The following CTNNA2 variants were observed in gnomAD, a reference collection of about 807,000 sequenced individuals.
CTNNA2 encodes catenin alpha 2.
A neutral mutation model predicts 101.0 loss-of-function variants in CTNNA2; 42 were observed. The observed-to-expected ratio is 0.42, with a 90% CI of 0.32 to 0.54. CTNNA2 has a LOEUF of 0.54. Among genes scored for constraint, CTNNA2 ranks in the 20% least tolerant of loss-of-function variants. The pLI is 0.14. For synonymous variants in CTNNA2, 450 were observed against 456.4 expected (o/e 0.99, Z 0.18); for missense variants, 871 against 1,223.1 (o/e 0.71, Z 4.29).
At chr2:80,514,027 T>A (rs1688912856) in intron 9 of CTNNA2, among the ~76,000 whole-genome samples, 1 of 152,216 alleles carries the variant, frequency 6.6e-6, no homozygotes, top group Admixed American at 6.5e-5. Flanking sequence ...CTCATAATCT[T>A]TATTTTTATT....
intron 3 of CTNNA2, among the ~76,000 whole-genome samples, chr2:79,347,998 TG>T (rs1163143978): frequency 5.9e-5 from 9 of 152,064 alleles, no homozygotes; most frequent in Non-Finnish European, 7.4e-5. Context: ...CAGTTGTCAC[TG>T]GAAGGACTTG....
At chr2:79,836,942 C>T (rs921073927) in intron 3 of CTNNA2, among the ~76,000 whole-genome samples, 10 of 152,066 alleles carry the variant, frequency 6.6e-5, no homozygotes, top group African/African-American at 2.4e-4. Context: ...CAGGGAACAC[C>T]TAATTCAACA....
intron 3 of CTNNA2, among the ~76,000 whole-genome samples, chr2:79,822,259 C>CTAT: frequency 6.6e-6 from 1 of 151,782 alleles, no homozygotes; most frequent in South Asian, 2.1e-4. Flanking sequence ...CTATATTTTA[C>CTAT]TATTTCTCTA....
At chr2:80,219,357 C>T (rs143612219) in intron 7 of CTNNA2, among the ~76,000 whole-genome samples, 1 of 152,304 alleles carries the variant, frequency 6.6e-6, no homozygotes, top group East Asian at 1.9e-4. Context: ...GGGTTTGAAG[C>T]ACTGTTATCT....
At chr2:79,373,107 G>A (rs914037165) in intron 3 of CTNNA2, among the ~76,000 whole-genome samples, 7 of 152,282 alleles carry the variant, frequency 4.6e-5, no homozygotes, top group Middle Eastern at 3.4e-3. Context: ...AATGGTTTGC[G>A]TTGTGAATTA....
Position 79,479,677 on chromosome 2 carries a change from C to T in CTNNA2, c.-134-25377C>T, listed in dbSNP as rs139641371. 3.0e-3 allele frequency among the ~76,000 whole-genome samples: 458 copies of T among 152,214 alleles called. 4 individuals carry two copies. The highest frequency in any genetic ancestry group is 9.7e-3 in the African/African-American group (401 of 41,532). ...GTGGCTCACACTTGTAATCCTAGCA[C>T]TTTGGGAGGCCGAGGCGGGCGGATT... On this transcript the variant is annotated intron_variant, in intron 4 of 21. Coordinates refer to the CTNNA2 transcript ENST00000466387.
intron 7 of CTNNA2, among the ~76,000 whole-genome samples, chr2:80,018,070 T>C (rs576264096): frequency 1.1e-4 from 17 of 152,344 alleles, no homozygotes; most frequent in African/African-American, 4.1e-4. Flanking sequence ...ATGATTAATT[T>C]GTAATTTTAA....
intron 7 of CTNNA2, among the ~76,000 whole-genome samples, chr2:80,267,683 G>GT (rs1488450746): frequency 6.6e-6 from 1 of 152,188 alleles, no homozygotes; most frequent in Non-Finnish European, 1.5e-5. Flanking sequence ...ACCTGGAAAA[G>GT]TTTTTCCGGA....
intron 4 of CTNNA2, among the ~76,000 whole-genome samples, chr2:79,496,361 C>G (rs1671255779): frequency 6.6e-6 from 1 of 151,992 alleles, no homozygotes; most frequent in Non-Finnish European, 1.5e-5. Context: ...TAGTTTGTAT[C>G]TTAAACACAA....
chr2:80,317,443 G>A (rs1678235161), intron 7 of CTNNA2, among the ~76,000 whole-genome samples: 2 of 152,036 alleles, frequency 1.3e-5, no homozygotes, highest in Admixed American at 1.3e-4. Context: ...AACACAGCTG[G>A]TATTGATGAT....
intron 8 of CTNNA2, among the ~76,000 whole-genome samples, chr2:80,418,555 A>G (rs1400940116): frequency 1.3e-5 from 2 of 152,186 alleles, no homozygotes; most frequent in Non-Finnish European, 2.9e-5. Flanking sequence ...AGGAATTGAG[A>G]TTTGTTCTTA....
At chr2:79,449,720 T>G (rs974388835) in intron 4 of CTNNA2, among the ~76,000 whole-genome samples, 8 of 152,014 alleles carry the variant, frequency 5.3e-5, no homozygotes, top group African/African-American at 1.9e-4. Context: ...AGCACTACCT[T>G]GCTATTCCAC....
chr2:80,592,889 G>A (rs1000182268), intron 15 of CTNNA2, among the ~76,000 whole-genome samples: 1 of 152,128 alleles, frequency 6.6e-6, no homozygotes, highest in South Asian at 2.1e-4. Flanking sequence ...CAAAATAAAT[G>A]TGAATTAGTT....
chr2:80,520,991 C>T (rs1395868221), intron 9 of CTNNA2, among the ~76,000 whole-genome samples: 1 of 152,048 alleles, frequency 6.6e-6, no homozygotes, highest in African/African-American at 2.4e-5. Context: ...TACTACATGG[C>T]CAGGGGCTGA....
In CTNNA2 at chr2:79,981,776, G is replaced by A. The variant is rs373392750; in HGVS notation, c.1056+71979G>A. Among the ~76,000 whole-genome samples the A allele has an allele frequency of 1.5e-4, 23 of 152,032 alleles. No homozygotes were observed. In the East Asian group the frequency reaches 3.5e-3, roughly 23 times the overall value. On this transcript the variant is annotated intron_variant, in intron 7 of 18. Coordinates refer to ENST00000402739, the MANE Select transcript of CTNNA2 (RefSeq NM_001282597.3). ...ATTATTTATTTCGTAAATTTTTTAT[G>A]TTCAGATTTTTAAGTGTAAATACCT...
upstream of CTNNA2, among the ~76,000 whole-genome samples, chr2:79,512,714 C>T (rs1343326372): frequency 6.6e-6 from 1 of 151,902 alleles, no homozygotes; most frequent in East Asian, 2.0e-4. Flanking sequence ...CCCTTCGCCG[C>T]CGTCCCCTCC....
At chr2:79,678,247 G>T (rs79326242) in intron 2 of CTNNA2, among the ~76,000 whole-genome samples, 1 of 152,036 alleles carries the variant, frequency 6.6e-6, no homozygotes, top group Non-Finnish European at 1.5e-5. Flanking sequence ...AAGGTAAAAG[G>T]TCTCTATCCC....
At chr2:79,911,207 G>T (rs560065665) in intron 7 of CTNNA2, among the ~76,000 whole-genome samples, 4 of 152,318 alleles carry the variant, frequency 2.6e-5, no homozygotes, top group African/African-American at 9.6e-5. Flanking sequence ...ATGTGTCAAC[G>T]AAGAATGCTT....
At chr2:79,370,372 A>G (rs976872799) in intron 3 of CTNNA2, among the ~76,000 whole-genome samples, 1 of 152,216 alleles carries the variant, frequency 6.6e-6, no homozygotes, top group Non-Finnish European at 1.5e-5. Context: ...AACTAGGAAC[A>G]AACCCTAAAG....
Sources: allele counts gnomAD v4.1 joint callset (sites outside exome capture counted in the v4.1 genomes callset), GRCh38; gene constraint gnomAD v4.1.1; transcripts MANE v1.5; gene names NCBI Gene and HGNC (gene_info 2026-07-23, HGNC 2026-07-21).